The following OTOG variants were observed in gnomAD, a reference collection of about 807,000 sequenced individuals.
The protein encoded by OTOG is otogelin.
Under a neutral mutation model 313.8 loss-of-function variants are expected in OTOG, and 296 were observed. The ratio of observed to expected loss-of-function variants is 0.94; its 90% CI spans 0.86 to 1.04. The LOEUF (loss-of-function observed/expected upper bound fraction) is 1.04, where lower values mean the gene tolerates loss of function less well. Ranked by LOEUF, OTOG falls within the 50% of genes least tolerant of loss-of-function variation. OTOG has a pLI of 0.00. For synonymous variants in OTOG, 1,533 were observed against 1,554.9 expected, an observed-to-expected ratio of 0.99 and a Z score of 0.33; for missense variants, 3,948 against 3,840.1, an observed-to-expected ratio of 1.03 and a Z score of -0.74.
At chr11:17,599,610 C>G (rs1406994085) in intron 30 of OTOG, 61 bp from the exon 31 acceptor site, 1 of 1,535,010 alleles carries the variant, frequency 6.5e-7, no homozygotes, top group Non-Finnish European at 8.8e-7. Context: ...AGCCTTGGCT[C>G]TGTCTGTCTG....
rs577412897 is a variant in OTOG, at chr11:17,561,758, G to T, written c.1595G>T (p.Arg532Leu). Residue 532 changes from arginine to leucine, a missense_variant, in exon 15 of 56, where the codon CGC becomes CTC. By Grantham distance (102) the Arg-to-Leu change is moderately radical. Transcript: ENST00000399397. ...ATCQYILAKS[R>L]SSGTFTVTLQ... ...TGTCAGTACATCCTGGCCAAGAGCC[G>T]CTCTTCGGGCACCTTCACCGTGACA... 5.2e-6 allele frequency: 8 copies of T among 1,550,488 alleles called. No individual in the cohort carries two copies. The Admixed American group carries it at 1.6e-4, about 30-fold the overall frequency.
chr11:17,568,168 G>A (rs1375075883), intron 15 of OTOG, among the ~76,000 whole-genome samples: 3 of 152,110 alleles, frequency 2.0e-5, no homozygotes, highest in African/African-American at 7.2e-5. Context: ...TGGCCTCCCA[G>A]AGTGCTGAGA....
chr11:17,593,226 G>A lies in OTOG; in HGVS notation c.3040G>A (p.Glu1014Lys), dbSNP rs1163398770. 6.5e-7 allele frequency: 1 copy of A among 1,550,276 alleles called. No individual in the cohort carries two copies. The highest frequency in any genetic ancestry group is 1.2e-5 in the South Asian group (1 of 84,056). Residue 1014 changes from glutamate (E) to lysine (K), a missense_variant, in exon 26 of 56, where the codon GAG becomes AAG. Glu to Lys is a moderately conservative substitution (Grantham distance 56). Transcript: ENST00000399397. ...AGATGTCAGCTTCTCTGTGATTGTA[G>A]AGAATGTGAACTGCTACAGCTCTGG... Reference protein sequence around the residue: ...TSDVSFSVIVENVNCYSSGMI... With the variant: ...TSDVSFSVIVKNVNCYSSGMI...
chr11:17,586,455 G>C lies in OTOG; in HGVS notation c.2760-19G>C. On this transcript the variant is annotated intron_variant, in intron 23 of 55. Coordinates refer to ENST00000399397, the MANE Select transcript of OTOG (RefSeq NM_001292063.2). ...GGGAAGAGTGCTCTCCTGACCGCCTGCTTGCTGTGTCTCTACAGTCTGCTC... is the reference window on the plus strand; with the variant it reads ...GGGAAGAGTGCTCTCCTGACCGCCTCCTTGCTGTGTCTCTACAGTCTGCTC... The C allele has an allele frequency of 7.4e-7, 1 of 1,345,404 alleles. No individual in the cohort carries two copies. The allele number at this position is 1,345,404 out of a possible 1,614,324, so 83.3% of individuals were successfully genotyped here. A position where few individuals can be genotyped will look rare whatever the true frequency, so the allele number is the denominator to read the frequency against.
chr11:17,596,769 G>A, intron 29 of OTOG, 82 bp from the exon 30 acceptor site: 1 of 1,289,758 alleles, frequency 7.8e-7, no homozygotes, highest in Non-Finnish European at 1.1e-6. Context: ...CTTCATGTTG[G>A]TGCTGGTCGT....
intron 4 of OTOG, 94 bp downstream of exon 4, chr11:17,552,169 G>C: frequency 8.0e-7 from 1 of 1,245,606 alleles, no homozygotes; most frequent in Non-Finnish European, 1.1e-6. Context: ...CTTCCCTCAG[G>C]CCTCCATGAC....
At chr11:17,571,619 C>G (rs1299993305) in intron 17 of OTOG, among the ~76,000 whole-genome samples, 1 of 152,194 alleles carries the variant, frequency 6.6e-6, no homozygotes, top group Admixed American at 6.5e-5. Context: ...GTGTTTGATA[C>G]TCTTCATGAT....
intron 24 of OTOG, 75 bp downstream of exon 24, chr11:17,586,656 T>G: frequency 1.5e-6 from 1 of 658,674 alleles, no homozygotes; most frequent in Non-Finnish European, 2.3e-6. Context: ...ATCAAGAGTA[T>G]AGTCTAGCAT....
chr11:17,599,446 T>C (rs939808602), intron 30 of OTOG, among the ~76,000 whole-genome samples: 2 of 152,252 alleles, frequency 1.3e-5, no homozygotes, highest in African/African-American at 2.4e-5. Flanking sequence ...GCCTACTGTG[T>C]GCCAGTCTTT....
At chr11:17,555,721 G>A in intron 6 of OTOG, 58 bp from the exon 7 acceptor site, 2 of 1,390,908 alleles carry the variant, frequency 1.4e-6, no homozygotes, top group East Asian at 2.5e-5. Flanking sequence ...AAGGTGTGAA[G>A]CTCAGGGTCA....
chr11:17,637,238 A>T (rs1454469878), intron 47 of OTOG, among the ~76,000 whole-genome samples: 1 of 151,742 alleles, frequency 6.6e-6, no homozygotes, highest in African/African-American at 2.4e-5. Context: ...CTTTTTTTTT[A>T]AACTGGCTGT....
rs1456239493 is a variant in OTOG at position 17,641,823 on chromosome 11, GGCCCACCCCGCCCTGGCCTGTA to G, written c.8191-22_8191-1del. 5.2e-6 allele frequency: 8 copies of G among 1,525,866 alleles called. No homozygotes were observed. In the African/African-American group the frequency reaches 9.6e-5, roughly 18 times the overall value. The allele number at this position is 1,525,866 out of a possible 1,614,324, so 94.5% of individuals were successfully genotyped here. ...AGGGTGGAGGTGGGCATCTGGCTGA[GGCCCACCCCGCCCTGGCCTGTA>G]GAACCAGGAGTACGAGCACCCGCGG... On this transcript the variant is annotated splice_acceptor_variant and splice_polypyrimidine_tract_variant and intron_variant, in intron 51 of 55. Transcript: ENST00000399397. LOFTEE classifies it high-confidence loss of function.
chr11:17,612,024 G>A, intron 36 of OTOG, 138 bp from the exon 37 acceptor site: 1 of 1,042,968 alleles, frequency 9.6e-7, no homozygotes, highest in African/African-American at 1.6e-5. Flanking sequence ...TGGTGGGTAG[G>A]GGGTGAGGGC....
chr11:17,627,035 T>G (rs541254172), intron 39 of OTOG, among the ~76,000 whole-genome samples: 28 of 152,352 alleles, frequency 1.8e-4, no homozygotes, highest in African/African-American at 6.5e-4. Flanking sequence ...TTTAGTTTTT[T>G]TCCAAATATA....
At chr11:17,580,546 A>G (rs1852642549) in intron 23 of OTOG, among the ~76,000 whole-genome samples, 1 of 152,206 alleles carries the variant, frequency 6.6e-6, no homozygotes, top group Non-Finnish European at 1.5e-5. Context: ...CTTCCCCATG[A>G]TGGGCACACA....
intron 33 of OTOG, among the ~76,000 whole-genome samples, chr11:17,607,171 C>T (rs1689843683): frequency 6.6e-6 from 1 of 152,244 alleles, no homozygotes; most frequent in Non-Finnish European, 1.5e-5. Context: ...CTTGTGCTGG[C>T]ACATAGTAGG....
At chr11:17,619,445 T>C (rs1268243984) in intron 39 of OTOG, among the ~76,000 whole-genome samples, 1 of 152,216 alleles carries the variant, frequency 6.6e-6, no homozygotes, top group Non-Finnish European at 1.5e-5. Context: ...CTATTTATTT[T>C]CTATTTGTGA....
At chr11:17,550,963 A>G (rs1851918574) in intron 3 of OTOG, among the ~76,000 whole-genome samples, 1 of 152,260 alleles carries the variant, frequency 6.6e-6, no homozygotes, top group African/African-American at 2.4e-5. Context: ...GGTTGGCTCC[A>G]GGGACCAAGG....
In OTOG at chr11:17,640,741, C is replaced by A. The variant is rs1271144690; in HGVS notation, c.7936-4C>A. On this transcript the variant is annotated splice_polypyrimidine_tract_variant and splice_region_variant and intron_variant, in intron 49 of 55. Transcript: ENST00000399397. ...AGGGTGCTGACTGCCTCTGCCCCACCCAGTGGGAGAAATCCCAGCTGGATG... is the reference window on the plus strand; with the variant it reads ...AGGGTGCTGACTGCCTCTGCCCCACACAGTGGGAGAAATCCCAGCTGGATG... 1.9e-6 allele frequency: 3 copies of A among 1,549,636 alleles called. No individual in the cohort carries two copies. In the South Asian group the frequency reaches 3.6e-5, roughly 18 times the overall value.
Sources: allele counts gnomAD v4.1 joint callset (sites outside exome capture counted in the v4.1 genomes callset), GRCh38; gene constraint gnomAD v4.1.1; transcripts MANE v1.5; gene names NCBI Gene and HGNC (gene_info 2026-07-23, HGNC 2026-07-21).